Variants in ELAPOR2 observed in about 807,000 individuals in gnomAD.
ELAPOR2 encodes endosome-lysosome associated apoptosis and autophagy regulator family member 2.
In ELAPOR2, 89 loss-of-function variants were observed where a neutral mutation model predicts 120.7. That is an observed-to-expected ratio of 0.74 (90% CI 0.62 to 0.88). The LOEUF (loss-of-function observed/expected upper bound fraction) is 0.88, where lower values mean the gene tolerates loss of function less well. Ranked by LOEUF, ELAPOR2 falls within the 40% of genes least tolerant of loss-of-function variation. ELAPOR2 has a pLI of 0.00. For synonymous variants in ELAPOR2, 444 were observed against 444.9 expected, an observed-to-expected ratio of 1.00 and a Z score of 0.03; for missense variants, 1,134 against 1,251.6, an observed-to-expected ratio of 0.91 and a Z score of 1.42.
At chr7:86,948,781 A>G (rs1167202526) in intron 2 of ELAPOR2, among the ~76,000 whole-genome samples, 2 of 152,138 alleles carry the variant, frequency 1.3e-5, no homozygotes, top group South Asian at 2.1e-4. Flanking sequence ...GCAAATCAAC[A>G]TCCTCCAAGT....
At chr7:87,004,390 T>C (rs779823494) in intron 1 of ELAPOR2, among the ~76,000 whole-genome samples, 5 of 152,192 alleles carry the variant, frequency 3.3e-5, no homozygotes, top group Admixed American at 6.5e-5. Flanking sequence ...GTTACTCATT[T>C]CATTACGTAC....
chr7:86,920,686 C>T (rs1411554730), intron 10 of ELAPOR2: 1 of 152,098 alleles, frequency 6.6e-6, no homozygotes, highest in African/African-American at 2.4e-5. Context: ...CAATGTCCTC[C>T]ACTTTTTCCT....
intron 19 of ELAPOR2, among the ~76,000 whole-genome samples, chr7:86,896,653 G>C (rs1430065871): frequency 1.3e-5 from 2 of 152,060 alleles, no homozygotes; most frequent in African/African-American, 2.4e-5. Context: ...TTTGGGCATG[G>C]AGTGATAGTA....
At chr7:86,990,395 G>T (rs1792904907) in intron 1 of ELAPOR2, among the ~76,000 whole-genome samples, 1 of 151,986 alleles carries the variant, frequency 6.6e-6, no homozygotes, top group African/African-American at 2.4e-5. Flanking sequence ...ACTGGTGGTG[G>T]CTCTATAAGA....
chr7:86,937,884 T>A (rs1790632053), intron 8 of ELAPOR2, among the ~76,000 whole-genome samples: 1 of 152,008 alleles, frequency 6.6e-6, no homozygotes, highest in Admixed American at 6.6e-5. Context: ...GCCAATATCA[T>A]CCATATTATA....
At position 86,942,041 on chromosome 7, in the gene ELAPOR2, T is replaced by C. The variant is rs1790821644; in HGVS notation, c.718A>G (p.Asn240Asp). 6.5e-7 allele frequency: 1 copy of C among 1,548,082 alleles called. No individual in the cohort carries two copies. The highest frequency in any genetic ancestry group is 1.7e-4 in the Middle Eastern group (1 of 5,978). Residue 240 changes from asparagine (N) to aspartate (D), a missense_variant, in exon 5 of 22, where the codon AAT becomes GAT. This residue lies in a region of ELAPOR2 where 280 missense variants were observed against 331.5 expected (regional missense o/e 0.84). Coordinates refer to ENST00000450689, the MANE Select transcript of ELAPOR2 (RefSeq NM_001142749.3). ...ACAGAATGAGAGCCCCATTCTCCAT[T>C]GTCTGTAAGTTTTACCCACTTGTCA... Reference protein sequence around the residue: ...TTDKWVKLTDNGEWGSHSVML... With the variant: ...TTDKWVKLTDDGEWGSHSVML...
chr7:86,904,614 A>G (rs1217292640), intron 18 of ELAPOR2, among the ~76,000 whole-genome samples: 1 of 152,190 alleles, frequency 6.6e-6, no homozygotes. Context: ...TGCCAGACCA[A>G]ATAGACAGCT....
intron 2 of ELAPOR2, among the ~76,000 whole-genome samples, chr7:86,962,765 A>G (rs1326630024): frequency 1.3e-5 from 2 of 152,214 alleles, no homozygotes; most frequent in African/African-American, 2.4e-5. Flanking sequence ...TCTAAGCACA[A>G]TGTTTGGCAC....
intron 1 of ELAPOR2, among the ~76,000 whole-genome samples, chr7:87,002,158 T>C (rs796616416): frequency 5.3e-5 from 8 of 152,278 alleles, no homozygotes; most frequent in African/African-American, 1.9e-4. Flanking sequence ...AAACCAATAA[T>C]GTTCCTAGCC....
chr7:86,982,443 C>A (rs942206530), intron 1 of ELAPOR2, among the ~76,000 whole-genome samples: 1 of 152,202 alleles, frequency 6.6e-6, no homozygotes, highest in East Asian at 1.9e-4. Flanking sequence ...GTGGGTGCCC[C>A]TCTGGGATGA....
At position 86,895,036 on chromosome 7, in the gene ELAPOR2, A is replaced by G; in HGVS notation, c.2686-1936T>C. Among the ~76,000 whole-genome samples the G allele has an allele frequency of 1.3e-5, 2 of 152,118 alleles. 1 individual carries two copies. Among genetic ancestry groups the G allele is most frequent in the Non-Finnish European group, 2.9e-5 (2 of 67,986 alleles). ...TATTAGATATATTTAAAGAATTAGA[A>G]AAGTGCACGCTCAATCAACATAAAG... On this transcript the variant is annotated intron_variant, in intron 19 of 21. Transcript: ENST00000450689.
At chr7:86,897,686 C>A in intron 18 of ELAPOR2, 54 bp from the exon 19 acceptor site, 1 of 1,603,182 alleles carries the variant, frequency 6.2e-7, no homozygotes, top group African/African-American at 1.3e-5. Flanking sequence ...TTAACCCATT[C>A]AATCCACTCT....
intron 2 of ELAPOR2, among the ~76,000 whole-genome samples, chr7:86,961,743 G>T (rs1367913225): frequency 6.6e-6 from 1 of 152,214 alleles, no homozygotes; most frequent in Non-Finnish European, 1.5e-5. Context: ...TTTGGTCTGA[G>T]ATTAAAACAA....
At chr7:86,902,613 C>T (rs1226786809) in intron 18 of ELAPOR2, among the ~76,000 whole-genome samples, 1 of 152,162 alleles carries the variant, frequency 6.6e-6, no homozygotes, top group African/African-American at 2.4e-5. Flanking sequence ...TGGGGAGACA[C>T]AAACATTCAG....
In ELAPOR2 at chr7:87,059,646, G is replaced by A; in HGVS notation, c.-133C>T. 2 of 1,002,086 alleles carry A rather than the reference G, an allele frequency of 2.0e-6. No homozygotes were observed. The highest frequency in any genetic ancestry group is 6.7e-5 in the East Asian group (1 of 14,868). 62.1% of individuals were successfully genotyped at this position (1,002,086 alleles called of 1,614,324 possible). On this transcript the variant is annotated 5_prime_UTR_variant, in exon 1 of 22. Transcript: ENST00000450689. Reference sequence around the variant, plus strand: ...GTCACCCGCTGCCCGTCCGCCCGCTGACAGCTCTGCTGCGCTCGCGGCCCG... The same window carrying A: ...GTCACCCGCTGCCCGTCCGCCCGCTAACAGCTCTGCTGCGCTCGCGGCCCG...
In ELAPOR2 at chr7:86,940,015, A is replaced by G; in HGVS notation, c.842T>C (p.Ile281Thr). 1.3e-6 allele frequency: 2 copies of G among 1,593,508 alleles called. No homozygotes were observed. The highest frequency in any genetic ancestry group is 1.7e-6 in the Non-Finnish European group (2 of 1,163,578). ...VKPVLVKNITIEGVAYTSECF... is the reference protein window; with the variant it reads ...VKPVLVKNITTEGVAYTSECF... ...AACAGAATGCCATGAAATACCTTCAATTGTGATATTTTTTACCAGCACAGG... is the reference window on the plus strand; with the variant it reads ...AACAGAATGCCATGAAATACCTTCAGTTGTGATATTTTTTACCAGCACAGG... Residue 281 changes from isoleucine to threonine, a missense_variant, in exon 6 of 22, where the codon ATT becomes ACT. By Grantham distance (89) the Ile-to-Thr change is moderately conservative. Coordinates refer to ENST00000450689, the MANE Select transcript of ELAPOR2 (RefSeq NM_001142749.3).
At chr7:86,942,840 A>G (rs1348932774) in intron 4 of ELAPOR2, among the ~76,000 whole-genome samples, 1 of 152,064 alleles carries the variant, frequency 6.6e-6, no homozygotes, top group African/African-American at 2.4e-5. Context: ...GAGTAGAGTT[A>G]AAATAAGATC....
chr7:86,940,118 A>C lies in ELAPOR2; in HGVS notation c.742-3T>G. Reference sequence around the variant, plus strand: ...TTTGTGCCTGATTTCAGCATTACCTATAAAGAGAAACATAAAGGCACTTAG... The same window carrying C: ...TTTGTGCCTGATTTCAGCATTACCTCTAAAGAGAAACATAAAGGCACTTAG... On this transcript the variant is annotated splice_region_variant and splice_polypyrimidine_tract_variant and intron_variant, in intron 5 of 21. Coordinates refer to ENST00000450689, the MANE Select transcript of ELAPOR2 (RefSeq NM_001142749.3). The C allele has an allele frequency of 1.3e-6, 2 of 1,598,822 alleles. No individual in the cohort carries two copies. The highest frequency in any genetic ancestry group is 1.7e-6 in the Non-Finnish European group (2 of 1,167,768).
chr7:86,993,243 A>AAAAAAAAG (rs1451395463), intron 1 of ELAPOR2, among the ~76,000 whole-genome samples: 10 of 150,046 alleles, frequency 6.7e-5, no homozygotes, highest in African/African-American at 2.5e-4. Flanking sequence ...TCAAAAAAAA[A>AAAAAAAAG]AAAAAAAGAA....
Sources: allele counts gnomAD v4.1 joint callset (sites outside exome capture counted in the v4.1 genomes callset), GRCh38; gene constraint gnomAD v4.1.1; regional missense constraint gnomAD v4.1.1; transcripts MANE v1.5; gene names NCBI Gene and HGNC (gene_info 2026-07-23, HGNC 2026-07-21).